AOAH: variants seen among roughly 807,000 people sequenced by gnomAD.
AOAH encodes the protein acyloxyacyl hydrolase.
AOAH carries 64 observed loss-of-function variants against 92.2 expected under a neutral mutation model. The observed-to-expected ratio is 0.69, with a 90% CI of 0.57 to 0.86. The LOEUF is 0.86. AOAH is among the 40% of genes least tolerant of loss of function. AOAH has a pLI of 0.00. For synonymous variants in AOAH, 263 were observed against 254.5 expected (o/e 1.03, Z -0.32); for missense variants, 656 against 694.6 (o/e 0.94, Z 0.62).
intron 13 of AOAH, among the ~76,000 whole-genome samples, chr7:36,569,522 T>TA (rs1294114854): frequency 6.7e-6 from 1 of 150,350 alleles, no homozygotes; most frequent in African/African-American, 2.5e-5. Flanking sequence ...TCTGTCTATC[T>TA]TTCTACCAGA....
Position 36,522,121 on chromosome 7 carries a change from G to C in AOAH, c.1523-6C>G. On this transcript the variant is annotated splice_polypyrimidine_tract_variant and splice_region_variant and intron_variant, in intron 19 of 20. Coordinates refer to ENST00000617537, the MANE Select transcript of AOAH (RefSeq NM_001637.4). ...CTTCTGCCACTCCTGTATGACTGCA[G>C]GGCACATAACGAGAGGGTTACAGAC... is the stretch of plus-strand genomic sequence containing the variant. 1 of 1,614,044 alleles carries C rather than the reference G, an allele frequency of 6.2e-7. No homozygotes were observed. The highest frequency in any genetic ancestry group is 8.5e-7 in the Non-Finnish European group (1 of 1,179,922).
At chr7:36,569,481 CTA>C (rs1787946018) in intron 13 of AOAH, among the ~76,000 whole-genome samples, 1 of 142,648 alleles carries the variant, frequency 7.0e-6, no homozygotes, top group Non-Finnish European at 1.5e-5. Flanking sequence ...ATCTATCTAT[CTA>C]TCTATCTATC....
chr7:36,523,629 G>GTGT (rs1784226282), intron 19 of AOAH, among the ~76,000 whole-genome samples: 1 of 100,138 alleles, frequency 1.0e-5, no homozygotes, highest in African/African-American at 4.1e-5. Flanking sequence ...TGTTTTGCCT[G>GTGT]TTTTTTTTTT....
chr7:36,566,224 C>T (rs1787699852), intron 13 of AOAH, among the ~76,000 whole-genome samples: 2 of 151,382 alleles, frequency 1.3e-5, no homozygotes, highest in South Asian at 2.1e-4. Flanking sequence ...GTTAAAGGTA[C>T]AAAACCTATT....
intron 11 of AOAH, among the ~76,000 whole-genome samples, chr7:36,609,148 G>A (rs1583932707): frequency 6.6e-6 from 1 of 152,092 alleles, no homozygotes; most frequent in South Asian, 2.1e-4. Context: ...TAAAGTATAC[G>A]GGATGGGAAG....
intron 10 of AOAH, among the ~76,000 whole-genome samples, chr7:36,617,595 T>A (rs1021082730): frequency 6.6e-6 from 1 of 152,184 alleles, no homozygotes; most frequent in African/African-American, 2.4e-5. Flanking sequence ...AATGAGTGAA[T>A]GAATGAATGA....
At chr7:36,534,992 G>A (rs1784929725) in intron 16 of AOAH, among the ~76,000 whole-genome samples, 1 of 147,012 alleles carries the variant, frequency 6.8e-6, no homozygotes, top group Non-Finnish European at 1.5e-5. Context: ...GTTTGTGTGT[G>A]TCTGCTTGTG....
chr7:36,568,900 T>C (rs868744613), intron 13 of AOAH, among the ~76,000 whole-genome samples: 2 of 152,116 alleles, frequency 1.3e-5, no homozygotes, highest in Non-Finnish European at 2.9e-5. Flanking sequence ...ACAAGCAAGA[T>C]GAGGTTTTTT....
intron 4 of AOAH, among the ~76,000 whole-genome samples, chr7:36,638,734 T>C (rs1172363234): frequency 1.3e-5 from 2 of 152,214 alleles, no homozygotes; most frequent in Non-Finnish European, 2.9e-5. Flanking sequence ...TGAAGTAATC[T>C]GCTCAACAAT....
At chr7:36,698,303 G>C (rs2116869456) in intron 1 of AOAH, among the ~76,000 whole-genome samples, 1 of 152,102 alleles carries the variant, frequency 6.6e-6, no homozygotes, top group South Asian at 2.1e-4. Flanking sequence ...TCTTGATTTT[G>C]ATGGTAGCTT....
At chr7:36,532,515 G>T (rs767870697) in intron 16 of AOAH, among the ~76,000 whole-genome samples, 171 bp from the exon 17 acceptor site, 1 of 152,130 alleles carries the variant, frequency 6.6e-6, no homozygotes. Context: ...TCCTTTCTGA[G>T]CCTCTAGAAA....
chr7:36,718,208 T>C (rs551456033), intron 1 of AOAH, among the ~76,000 whole-genome samples: 3 of 152,154 alleles, frequency 2.0e-5, no homozygotes, highest in Non-Finnish European at 4.4e-5. Context: ...CATGAAAAGA[T>C]GCTAACATCA....
intron 13 of AOAH, among the ~76,000 whole-genome samples, chr7:36,555,931 C>T (rs1167951582): frequency 6.6e-6 from 1 of 152,088 alleles, no homozygotes; most frequent in Admixed American, 6.6e-5. Flanking sequence ...CTTTCAAAAA[C>T]CAGCTCCTGG....
At chr7:36,644,990 C>G (rs1288273817) in intron 4 of AOAH, among the ~76,000 whole-genome samples, 4 of 152,174 alleles carry the variant, frequency 2.6e-5, no homozygotes, top group African/African-American at 9.7e-5. Context: ...GGTTGTTCCT[C>G]ACACCCAAAT....
At chr7:36,555,789 A>T (rs1434597257) in intron 13 of AOAH, among the ~76,000 whole-genome samples, 2 of 152,154 alleles carry the variant, frequency 1.3e-5, no homozygotes, top group East Asian at 3.9e-4. Context: ...GTTTGTAGTA[A>T]TCTCTGATGG....
intron 11 of AOAH, among the ~76,000 whole-genome samples, chr7:36,604,441 G>A (rs942227826): frequency 6.6e-6 from 1 of 152,064 alleles, no homozygotes; most frequent in Non-Finnish European, 1.5e-5. Context: ...CTATTTCTCT[G>A]TCTTTAATAA....
intron 1 of AOAH, among the ~76,000 whole-genome samples, chr7:36,698,966 CT>C (rs1486151390): frequency 6.6e-6 from 1 of 152,038 alleles, no homozygotes; most frequent in Admixed American, 6.6e-5. Flanking sequence ...TCCCCTCCCC[CT>C]ATTCTTCCTG....
At chr7:36,602,567 G>A (rs1583917144) in intron 11 of AOAH, among the ~76,000 whole-genome samples, 1 of 150,548 alleles carries the variant, frequency 6.6e-6, no homozygotes, top group East Asian at 2.0e-4. Flanking sequence ...TCTTTTCTAA[G>A]GCCATTGAAA....
rs1179700825 is a variant in AOAH, at chr7:36,618,276, A to G, written c.751+21T>C. Reference sequence around the variant, plus strand: ...AAAGAATATCTATCATTATAACCACAATGACATCCACAATTCATACCTTCA... The same window carrying G: ...AAAGAATATCTATCATTATAACCACGATGACATCCACAATTCATACCTTCA... On this transcript the variant is annotated intron_variant, in intron 10 of 20. Transcript: ENST00000617537. The G allele has an allele frequency of 3.7e-6, 6 of 1,607,380 alleles. No homozygotes were observed. In the East Asian group the frequency reaches 1.3e-4, roughly 36 times the overall value.
Sources: gnomAD v4.1 joint callset for allele counts (sites outside exome capture counted in the v4.1 genomes callset) on GRCh38, gnomAD v4.1.1 for gene constraint, MANE v1.5 for transcripts, NCBI Gene and HGNC (gene_info 2026-07-23, HGNC 2026-07-21) for gene names.